The following CSMD1 variants were observed in gnomAD, a reference collection of about 807,000 sequenced individuals.
CSMD1 encodes the protein CUB and sushi domain-containing protein 1.
Under a neutral mutation model 417.5 loss-of-function variants are expected in CSMD1, and 213 were observed. The observed-to-expected ratio is 0.51, with a 90% CI of 0.46 to 0.57. CSMD1 has a LOEUF of 0.57. Among genes scored for constraint, CSMD1 ranks in the 20% least tolerant of loss-of-function variants. The pLI, the probability that CSMD1 is intolerant of heterozygous loss-of-function variation, is 0.00. For synonymous variants in CSMD1, 2,862 were observed against 1,736.8 expected, an observed-to-expected ratio of 1.65 and a Z score of -16.11; for missense variants, 6,923 against 4,529.7, an observed-to-expected ratio of 1.53 and a Z score of -15.17.
chr8:3,856,527 A>G (rs574003337), intron 5 of CSMD1, among the ~76,000 whole-genome samples: 7 of 152,182 alleles, frequency 4.6e-5, no homozygotes, highest in Non-Finnish European at 1.0e-4. Flanking sequence ...AAATCACGTA[A>G]TAAATGCAAC....
rs1554480609 is a variant in CSMD1, at chr8:3,241,066, T to TC, written c.4154-10836_4154-10835insG. On this transcript the variant is annotated intron_variant, in intron 26 of 69. Transcript: ENST00000635120. ...GGTATCTCATACTTGTGGGTTAAGG[T>TC]GAGGGGATACAAGAGGAGGACGCAA... Among the ~76,000 whole-genome samples the TC allele has an allele frequency of 5.2e-4, 76 of 147,380 alleles. No homozygotes were observed. The South Asian group carries it at 0.01, about 20-fold the overall frequency.
intron 10 of CSMD1, among the ~76,000 whole-genome samples, chr8:3,523,448 G>A (rs1026234847): frequency 6.6e-6 from 1 of 152,172 alleles, no homozygotes; most frequent in African/African-American, 2.4e-5. Context: ...GAGCCCTAGA[G>A]AGAATAAGGT....
chr8:3,939,262 C>T (rs1033082654), intron 5 of CSMD1, among the ~76,000 whole-genome samples: 13 of 152,032 alleles, frequency 8.6e-5, no homozygotes, highest in African/African-American at 3.1e-4. Flanking sequence ...AAAAAAAATG[C>T]TCAACATCAT....
intron 12 of CSMD1, among the ~76,000 whole-genome samples, chr8:3,446,638 T>C (rs1274119475): frequency 2.6e-5 from 4 of 152,088 alleles, no homozygotes; most frequent in Non-Finnish European, 5.9e-5. Context: ...GAAACGCTGT[T>C]TGGGGAATCT....
intron 5 of CSMD1, among the ~76,000 whole-genome samples, chr8:3,769,043 G>C (rs1798438325): frequency 6.6e-6 from 1 of 152,236 alleles, no homozygotes; most frequent in African/African-American, 2.4e-5. Flanking sequence ...GGACAGGCAG[G>C]TGTGTTTGGT....
chr8:3,083,943 T>A (rs912807199), intron 49 of CSMD1, among the ~76,000 whole-genome samples: 5 of 151,794 alleles, frequency 3.3e-5, no homozygotes, highest in African/African-American at 1.2e-4. Context: ...GGAATACAGG[T>A]GTCAGCCACT....
intron 3 of CSMD1, among the ~76,000 whole-genome samples, chr8:4,293,922 T>C (rs1383254733): frequency 1.3e-5 from 2 of 151,880 alleles, no homozygotes; most frequent in Non-Finnish European, 1.5e-5. Context: ...GTGTCTACTG[T>C]AGAGCTTTCC....
intron 1 of CSMD1, among the ~76,000 whole-genome samples, chr8:4,926,712 C>G (rs1806895852): frequency 6.6e-6 from 1 of 151,996 alleles, no homozygotes; most frequent in South Asian, 2.1e-4. Context: ...TACAAACAAA[C>G]TTTACAGGAC....
intron 26 of CSMD1, among the ~76,000 whole-genome samples, chr8:3,260,477 C>G (rs1800979001): frequency 6.6e-6 from 1 of 152,076 alleles, no homozygotes; most frequent in African/African-American, 2.4e-5. Flanking sequence ...AAGACAGTGG[C>G]ATGGATACAA....
At chr8:3,810,452 G>A (rs1801003338) in intron 5 of CSMD1, among the ~76,000 whole-genome samples, 1 of 152,112 alleles carries the variant, frequency 6.6e-6, no homozygotes. Context: ...AGCACGGGAG[G>A]ACCTGGGCAC....
At chr8:4,019,785 T>C (rs1251847621) in intron 4 of CSMD1, among the ~76,000 whole-genome samples, 1 of 152,078 alleles carries the variant, frequency 6.6e-6, no homozygotes, top group Non-Finnish European at 1.5e-5. Context: ...GTGTGTAAAA[T>C]AAAGTGACCC....
In CSMD1 at chr8:3,539,765, A is replaced by T. The variant is rs1414775198; in HGVS notation, c.1344+35180T>A. 6.1e-5 allele frequency among the ~76,000 whole-genome samples: 7 copies of T among 114,176 alleles called. No individual in the cohort carries two copies. In the East Asian group the frequency reaches 2.2e-3, roughly 35 times the overall value. 74.9% of individuals were successfully genotyped at this position (114,176 alleles called of 152,430 possible). On this transcript the variant is annotated intron_variant, in intron 10 of 69. Coordinates refer to ENST00000635120, the MANE Select transcript of CSMD1 (RefSeq NM_033225.6). ...AATCTCTAGCCCTTTCTTTATGATA[A>T]AAAAAAAAAAAAACACAAGAAAGAA...
chr8:2,961,741 T>A (rs10216438), intron 61 of CSMD1, among the ~76,000 whole-genome samples: 1 of 152,158 alleles, frequency 6.6e-6, no homozygotes, highest in South Asian at 2.1e-4. Flanking sequence ...GCACTTCAGC[T>A]CTCTTACTTG....
At chr8:3,598,081 C>G (rs1563185947) in intron 8 of CSMD1, among the ~76,000 whole-genome samples, 1 of 152,132 alleles carries the variant, frequency 6.6e-6, no homozygotes, top group Non-Finnish European at 1.5e-5. Context: ...TTTTCTCTAC[C>G]TTATATTAAT....
At chr8:2,948,718 C>A (rs117266898) in intron 68 of CSMD1, among the ~76,000 whole-genome samples, 3 of 152,070 alleles carry the variant, frequency 2.0e-5, no homozygotes, top group Admixed American at 1.3e-4. Context: ...AAACAATTTA[C>A]ACATTTGCCT....
chr8:4,693,172 T>A (rs1806887210), intron 1 of CSMD1, among the ~76,000 whole-genome samples: 1 of 152,216 alleles, frequency 6.6e-6, no homozygotes, highest in Admixed American at 6.5e-5. Context: ...TTCCTTAATT[T>A]GGCCAGTGTT....
rs1263346534 is a variant in CSMD1 at position 4,397,520 on chromosome 8, ACT to A, written c.415+22431_415+22432del. Among the ~76,000 whole-genome samples, 437 of 110,394 alleles carry A rather than the reference ACT, an allele frequency of 4.0e-3. 2 individuals carry two copies. The highest frequency in any genetic ancestry group is 6.3e-3 in the Non-Finnish European group (356 of 56,154). 72.4% of individuals were successfully genotyped at this position (110,394 alleles called of 152,430 possible). On this transcript the variant is annotated intron_variant, in intron 3 of 69. Transcript: ENST00000635120. ...CATGAGCAATGTCAACAAGCCTGAG[ACT>A]CTTTTTTTTTTTTTTTTTTTTTTTT...
chr8:2,980,092 G>T (rs555396810), intron 54 of CSMD1, among the ~76,000 whole-genome samples: 2 of 152,346 alleles, frequency 1.3e-5, no homozygotes, highest in South Asian at 2.1e-4. Flanking sequence ...GAGACGGACA[G>T]TCCCGGGCTG....
At chr8:2,941,801 C>T (rs1051040151) in intron 69 of CSMD1, among the ~76,000 whole-genome samples, 7 of 152,168 alleles carry the variant, frequency 4.6e-5, no homozygotes, top group African/African-American at 1.7e-4. Context: ...ATCTATCAAT[C>T]ACAGATTCAC....
Sources: gnomAD v4.1 joint callset for allele counts (sites outside exome capture counted in the v4.1 genomes callset) on GRCh38, gnomAD v4.1.1 for gene constraint, MANE v1.5 for transcripts, NCBI Gene and HGNC (gene_info 2026-07-23, HGNC 2026-07-21) for gene names.